Variants in ARHGAP33 observed in about 807,000 individuals in gnomAD.
The protein encoded by ARHGAP33 is rho GTPase-activating protein 33.
A neutral mutation model predicts 126.2 loss-of-function variants in ARHGAP33; 57 were observed. That is an observed-to-expected ratio of 0.45 (90% CI 0.36 to 0.56). The LOEUF (loss-of-function observed/expected upper bound fraction) is 0.56. Ranked by LOEUF, ARHGAP33 falls within the 20% of genes least tolerant of loss-of-function variation. The pLI is 0.00. For missense variants in ARHGAP33, 1,500 were observed against 1,748.3 expected (o/e 0.86, Z 2.53); for synonymous variants, 711 against 755.0 (o/e 0.94, Z 0.95).
In ARHGAP33 at chr19:35,788,448, C is replaced by A. The variant is rs149463067; in HGVS notation, c.*19C>A. The A allele has an allele frequency of 6.6e-7, 1 of 1,506,144 alleles. No individual in the cohort carries two copies. The highest frequency in any genetic ancestry group is 8.9e-7 in the Non-Finnish European group (1 of 1,125,616). The allele number at this position is 1,506,144 out of a possible 1,614,324, so 93.3% of individuals were successfully genotyped here. A position where few individuals can be genotyped will look rare whatever the true frequency, so the allele number is the denominator to read the frequency against. On this transcript the variant is annotated 3_prime_UTR_variant, in exon 21 of 21. Transcript: ENST00000007510. ...CTGCTGAGCACCAGCTGGGAGGGGC[C>A]GTCCTTCCTTCCCTTCACCCTCACT...
chr19:35,785,587 G>GC (rs1972071589), intron 19 of ARHGAP33, 104 bp downstream of exon 19: 4 of 1,548,468 alleles, frequency 2.6e-6, no homozygotes, highest in Non-Finnish European at 8.7e-7. Context: ...ACATTTGGGG[G>GC]CCCTGGGGCT....
chr19:35,780,840 C>T, intron 10 of ARHGAP33, 24 bp downstream of exon 10: 1 of 1,613,730 alleles, frequency 6.2e-7, no homozygotes, highest in Non-Finnish European at 8.5e-7. Context: ...GCGGTCAGGT[C>T]CCAGCCCCTA....
At chr19:35,783,006 C>T in intron 15 of ARHGAP33, 137 bp downstream of exon 15, 1 of 718,436 alleles carries the variant, frequency 1.4e-6, no homozygotes, top group South Asian at 1.8e-5. Flanking sequence ...CCGTCCCTAG[C>T]ACTGGGGACC....
chr19:35,782,329 C>A lies in ARHGAP33; in HGVS notation c.1086-44C>A. 1 of 1,575,350 alleles carries A rather than the reference C, an allele frequency of 6.3e-7. No homozygotes were observed. Among genetic ancestry groups the A allele is most frequent in the African/African-American group, 1.3e-5 (1 of 74,430 alleles). On this transcript the variant is annotated intron_variant, in intron 12 of 20. Transcript: ENST00000007510. The surrounding 1 kb of genome is among the most constrained non-coding windows in gnomAD (Gnocchi z 4.1). The stretch of plus-strand genomic sequence containing the variant: ...GGGGAGCATGGCCACGTGAGCGAGC[C>A]CCTCTGACCTGGATCTTCCTCCTCC...
chr19:35,786,629 A>T lies in ARHGAP33; in HGVS notation c.2159A>T (p.Asp720Val). The T allele has an allele frequency of 2.0e-6, 3 of 1,535,740 alleles. No homozygotes were observed. The highest frequency in any genetic ancestry group is 2.6e-6 in the Non-Finnish European group (3 of 1,146,760). ...CACCGTACCTCAGCCTGGCTAGATG[A>T]TGGTGATGAGCTGGACTTCAGCCCA... ...PSHRTSAWLD[D>V]GDELDFSPPR... is the part of the protein sequence containing the mutation. Residue 720 changes from aspartate to valine, a missense_variant, in exon 20 of 21, where the codon GAT becomes GTT. This residue lies in a region of ARHGAP33 where 300 missense variants were observed against 291.1 expected (regional missense o/e 1.03). Coordinates refer to ENST00000007510, the MANE Select transcript of ARHGAP33 (RefSeq NM_001366178.1). This position sits in a 1 kb window ranked among gnomAD's most constrained non-coding sequence, Gnocchi z 7.0.
At chr19:35,784,546 C>T in intron 16 of ARHGAP33, 1 of 1,320,164 alleles carries the variant, frequency 7.6e-7, no homozygotes, top group Non-Finnish European at 9.6e-7. Flanking sequence ...TCTTCCTTCA[C>T]CCCTTGTAGC....
At chr19:35,778,109 TCAA>T (rs929025668) in intron 3 of ARHGAP33, among the ~76,000 whole-genome samples, 168 bp from the exon 4 acceptor site, 5 of 152,216 alleles carry the variant, frequency 3.3e-5, no homozygotes, top group Admixed American at 2.0e-4. Context: ...TTTTATTCAT[TCAA>T]CAACAACTTT....
At chr19:35,780,844 GCCCCTA>G in intron 10 of ARHGAP33, 28 bp downstream of exon 10, 1 of 1,613,624 alleles carries the variant, frequency 6.2e-7, no homozygotes, top group Non-Finnish European at 8.5e-7. Flanking sequence ...TCAGGTCCCA[GCCCCTA>G]CCCCACCAGG....
Position 35,779,164 on chromosome 19 carries a change from A to AG in ARHGAP33, c.501+45dup, listed in dbSNP as rs1180587394. ...GGGGCTTGGAGATTCCGAGTGGGTG[A>AG]GGGGGTGTCTGAGGGGCGAGAAGCA... is the stretch of plus-strand genomic sequence containing the variant. On this transcript the variant is annotated intron_variant, in intron 6 of 20. Transcript: ENST00000007510. The AG allele has an allele frequency of 2.7e-6, 4 of 1,505,262 alleles. No homozygotes were observed. The East Asian group carries it at 1.0e-4, about 38-fold the overall frequency. 93.2% of individuals were successfully genotyped at this position (1,505,262 alleles called of 1,614,324 possible).
At position 35,787,419 on chromosome 19, in the gene ARHGAP33, C is replaced by T. The variant is rs767745542; in HGVS notation, c.2854C>T (p.Pro952Ser). ...CCTGGGGACCTCAGGGAGTGGGCCA[C>T]CTCCCAACTCCCTAGCACACCCGGG... ...EPLGTSGSGP[P>S]PNSLAHPGAW... The change falls in exon 21 of 21, where the codon CCT becomes TCT. Residue 952 changes from proline to serine, a missense_variant. Physicochemically the swap from Pro to Ser is moderately conservative, Grantham distance 74. This residue lies in a region of ARHGAP33 where 642 missense variants were observed against 634.0 expected (regional missense o/e 1.01). Coordinates refer to ENST00000007510, the MANE Select transcript of ARHGAP33 (RefSeq NM_001366178.1). The T allele has an allele frequency of 5.1e-5, 82 of 1,610,864 alleles. No individual in the cohort carries two copies. The highest frequency in any genetic ancestry group is 6.4e-5 in the Non-Finnish European group (76 of 1,178,690).
rs752052902 is a variant in ARHGAP33, at chr19:35,777,805, C to T, written c.105-19C>T. The T allele has an allele frequency of 8.2e-5, 132 of 1,613,832 alleles. No individual in the cohort carries two copies. The highest frequency in any genetic ancestry group is 1.6e-4 in the Middle Eastern group (1 of 6,082). On this transcript the variant is annotated intron_variant, in intron 2 of 20. Transcript: ENST00000007510. The stretch of plus-strand genomic sequence containing the variant: ...GGGAGACTCAAGGAGCTGCTGGTGA[C>T]GCATCCCCTGTCTCCCAGGCTCTCA...
rs113939715 is a variant in ARHGAP33 at position 35,782,361 on chromosome 19, C to T, written c.1086-12C>T. The T allele has an allele frequency of 6.1e-5, 97 of 1,595,598 alleles. 1 individual carries two copies. Among genetic ancestry groups the T allele is most frequent in the African/African-American group, 9.4e-5 (7 of 74,716 alleles). On this transcript the variant is annotated splice_polypyrimidine_tract_variant and intron_variant, in intron 12 of 20. Coordinates refer to ENST00000007510, the MANE Select transcript of ARHGAP33 (RefSeq NM_001366178.1). The surrounding 1 kb of genome is among the most constrained non-coding windows in gnomAD (Gnocchi z 4.1). Reference sequence around the variant, plus strand: ...ACCTGGATCTTCCTCCTCCTTGACACGGTGGTCTCAGGCACGAGTTTGACA... The same window carrying T: ...ACCTGGATCTTCCTCCTCCTTGACATGGTGGTCTCAGGCACGAGTTTGACA...
At chr19:35,775,778 A>G in intron 1 of ARHGAP33, 114 bp downstream of exon 1, 1 of 1,102,252 alleles carries the variant, frequency 9.1e-7, no homozygotes, top group Non-Finnish European at 1.2e-6. Context: ...CCTGTGCTTC[A>G]GCCGTGGTCC....
chr19:35,782,665 C>T lies in ARHGAP33; in HGVS notation c.1299C>T (p.Pro433=), dbSNP rs139992486. 12 of 1,613,012 alleles carry T rather than the reference C, an allele frequency of 7.4e-6. No individual in the cohort carries two copies. The Admixed American group carries it at 1.0e-4, about 13-fold the overall frequency. The part of the protein sequence containing the change: ...VRVHDVIQQL[P]PPHYRTLEYL... The stretch of plus-strand genomic sequence containing the variant: ...TGCACGATGTCATCCAGCAGCTGCC[C>T]CCACCACATTACAGGTAAACCAGGA... The change falls in exon 14 of 21, where the codon CCC becomes CCT. Residue 433 remains proline (P), a synonymous_variant. Transcript: ENST00000007510. The surrounding 1 kb of genome is among the most constrained non-coding windows in gnomAD (Gnocchi z 4.1).
chr19:35,775,598 G>T lies in ARHGAP33; in HGVS notation c.-61G>T. ...TTTGTGTCGCCATGGCGGCGGCAGC[G>T]GCGACGAGAACGGCGAGCGAGGGGT... On this transcript the variant is annotated 5_prime_UTR_variant, in exon 1 of 21. Transcript: ENST00000007510. 6.8e-7 allele frequency: 1 copy of T among 1,477,974 alleles called. No homozygotes were observed. Among genetic ancestry groups the T allele is most frequent in the Non-Finnish European group, 8.9e-7 (1 of 1,118,724 alleles). The allele number at this position is 1,477,974 out of a possible 1,614,324, so 91.6% of individuals were successfully genotyped here. A position where few individuals can be genotyped will look rare whatever the true frequency, so the allele number is the denominator to read the frequency against.
In ARHGAP33 at chr19:35,788,302, G is replaced by T; in HGVS notation, c.3737G>T (p.Gly1246Val). The T allele has an allele frequency of 2.5e-6, 4 of 1,608,726 alleles. No individual in the cohort carries two copies. Among genetic ancestry groups the T allele is most frequent in the East Asian group, 4.5e-5 (2 of 44,704 alleles). The change falls in exon 21 of 21, where the codon GGC becomes GTC. Residue 1246 changes from glycine to valine, a missense_variant. Coordinates refer to ENST00000007510, the MANE Select transcript of ARHGAP33 (RefSeq NM_001366178.1). ...RAAPPAYGRG[G>V]ELHRGSLYRN... ...GCCCCGCCAGCCTACGGAAGGGGGG[G>T]CGAGCTCCACCGAGGGTCCTTGTAC...
intron 12 of ARHGAP33, among the ~76,000 whole-genome samples, chr19:35,781,763 C>T (rs772028027): frequency 6.6e-6 from 1 of 152,132 alleles, no homozygotes; most frequent in Non-Finnish European, 1.5e-5. Context: ...GCCAAGGAGT[C>T]CCCGTGCCAG....
At chr19:35,778,427 G>A in intron 4 of ARHGAP33, 37 bp from the exon 5 acceptor site, 1 of 1,614,090 alleles carries the variant, frequency 6.2e-7, no homozygotes, top group Non-Finnish European at 8.5e-7. Flanking sequence ...TCGGTGTCAT[G>A]GGGCCCCTGC....
At position 35,780,758 on chromosome 19, in the gene ARHGAP33, T is replaced by G. The variant is rs1426824442; in HGVS notation, c.771T>G (p.Asp257Glu). The G allele has an allele frequency of 6.2e-7, 1 of 1,613,850 alleles. No individual in the cohort carries two copies. The highest frequency in any genetic ancestry group is 1.7e-5 in the Admixed American group (1 of 60,020). The part of the protein sequence containing the change: ...TERPGPGLKA[D>E]ADGPPCGIPA... Reference sequence around the variant, plus strand: ...TCCACCCCATTTTTCGCCTAGCAGATGCCGATGGCCCCCCATGTGGCATCC... The same window carrying G: ...TCCACCCCATTTTTCGCCTAGCAGAGGCCGATGGCCCCCCATGTGGCATCC... The change falls in exon 10 of 21, where the codon GAT (aspartate) becomes GAG (glutamate). Residue 257 changes from aspartate (D) to glutamate (E), a missense_variant and splice_region_variant. Physicochemically the swap from Asp to Glu is conservative, Grantham distance 45 (BLOSUM62 2). Coordinates refer to ENST00000007510, the MANE Select transcript of ARHGAP33 (RefSeq NM_001366178.1).
Sources: allele counts gnomAD v4.1 joint callset (sites outside exome capture counted in the v4.1 genomes callset), GRCh38; gene constraint gnomAD v4.1.1; regional missense constraint gnomAD v4.1.1; non-coding constraint Gnocchi (gnomAD v3.1); transcripts MANE v1.5; gene names NCBI Gene and HGNC (gene_info 2026-07-23, HGNC 2026-07-21).